NSMAF: variants seen among roughly 807,000 people sequenced by gnomAD.
NSMAF encodes the protein neutral sphingomyelinase activation associated factor.
In NSMAF, 90 loss-of-function variants were observed where a neutral mutation model predicts 134.9. The observed-to-expected ratio is 0.67, with a 90% CI of 0.56 to 0.79. The LOEUF is 0.79. Among genes scored for constraint, NSMAF ranks in the 30% least tolerant of loss-of-function variants. The probability of loss-of-function intolerance (pLI) is 0.00; values close to 1 mark genes in which losing one functional copy is unlikely to be tolerated. For synonymous variants in NSMAF, 358 were observed against 389.6 expected (o/e 0.92, Z 0.96); for missense variants, 1,010 against 1,119.0 (o/e 0.90, Z 1.39).
intron 1 of NSMAF, among the ~76,000 whole-genome samples, chr8:58,657,005 G>T (rs906269308): frequency 2.0e-5 from 3 of 151,832 alleles, no homozygotes; most frequent in Non-Finnish European, 4.4e-5. Flanking sequence ...GAACTTAACT[G>T]GGTGTGCTGT....
intron 5 of NSMAF, among the ~76,000 whole-genome samples, chr8:58,633,890 T>G (rs1012674867): frequency 6.6e-6 from 1 of 152,182 alleles, no homozygotes; most frequent in African/African-American, 2.4e-5. Flanking sequence ...ATACAAGACC[T>G]CTTCTATAAA....
intron 9 of NSMAF, 115 bp from the exon 10 acceptor site, chr8:58,609,848 T>A: frequency 2.2e-6 from 2 of 894,218 alleles, no homozygotes; most frequent in Non-Finnish European, 3.3e-6. Context: ...ACACTACATT[T>A]AATATAAGAA....
intron 13 of NSMAF, 50 bp from the exon 14 acceptor site, chr8:58,602,187 A>C: frequency 7.0e-7 from 1 of 1,418,620 alleles, no homozygotes; most frequent in Non-Finnish European, 9.9e-7. Flanking sequence ...AGTACCATTA[A>C]CCTCCTGAAT....
rs1454685767 is a variant in NSMAF at position 58,629,391 on chromosome 8, TTTCTCTTTGTTAATA to T, written c.384+2090_384+2104del. Among the ~76,000 whole-genome samples, 6 of 143,776 alleles carry T rather than the reference TTTCTCTTTGTTAATA, an allele frequency of 4.2e-5. No individual in the cohort carries two copies. The South Asian group carries it at 1.4e-3, about 32-fold the overall frequency. 94.3% of individuals were successfully genotyped at this position (143,776 alleles called of 152,430 possible). A position where few individuals can be genotyped will look rare whatever the true frequency, so the allele number is the denominator to read the frequency against. On this transcript the variant is annotated intron_variant, in intron 6 of 30. Coordinates refer to ENST00000038176, the MANE Select transcript of NSMAF (RefSeq NM_003580.4). ...ATTTCTGTTCAGTTCTTCTTTATAT[TTTCTCTTTGTTAATA>T]TTCTCTTTGTTAAAATTCTCATTTT...
rs1401563356 is a variant in NSMAF at position 58,595,621 on chromosome 8, T to G, written c.1831A>C (p.Thr611Pro). ...TTGGTGATGTTATTCCAGGCCAGTGTTTTGCTTTCTTCGGTCAGGTCTTCA... is the reference window on the plus strand; with the variant it reads ...TTGGTGATGTTATTCCAGGCCAGTGGTTTGCTTTCTTCGGTCAGGTCTTCA... ...SFEDLTEESK[T>P]LAWNNITKLQ... is the part of the protein sequence containing the mutation. Residue 611 changes from threonine to proline, a missense_variant, in exon 22 of 31, where the codon ACA becomes CCA. Transcript: ENST00000038176. 6.2e-7 allele frequency: 1 copy of G among 1,614,116 alleles called. No individual in the cohort carries two copies. Among genetic ancestry groups the G allele is most frequent in the Non-Finnish European group, 8.5e-7 (1 of 1,179,970 alleles).
At position 58,635,542 on chromosome 8, in the gene NSMAF, T is replaced by C; in HGVS notation, c.154A>G (p.Ile52Val). Reference sequence around the variant, plus strand: ...GAACATATTTTTAAGGAGCCTCTGATTTTCCTAGGGATCCAAGTACAACAG... The same window carrying C: ...GAACATATTTTTAAGGAGCCTCTGACTTTCCTAGGGATCCAAGTACAACAG... ...LHKGSHHERK[I>V]RGSLKICSKS... The change falls in exon 3 of 31, where the codon ATC becomes GTC. Residue 52 changes from isoleucine to valine, a missense_variant. Physicochemically the swap from Ile to Val is conservative, Grantham distance 29. Transcript: ENST00000038176. 1 of 1,593,094 alleles carries C rather than the reference T, an allele frequency of 6.3e-7. No individual in the cohort carries two copies. Among genetic ancestry groups the C allele is most frequent in the South Asian group, 1.1e-5 (1 of 87,642 alleles).
chr8:58,616,242 C>T (rs1052022532), intron 9 of NSMAF, among the ~76,000 whole-genome samples: 2 of 151,964 alleles, frequency 1.3e-5, no homozygotes, highest in Admixed American at 1.3e-4. Context: ...TTCTGAAAAC[C>T]GGAGATAAAG....
At chr8:58,615,084 G>C (rs1372752362) in intron 9 of NSMAF, among the ~76,000 whole-genome samples, 1 of 152,022 alleles carries the variant, frequency 6.6e-6, no homozygotes, top group Non-Finnish European at 1.5e-5. Context: ...TCAAGAAAAA[G>C]ACTATCACAA....
intron 1 of NSMAF, among the ~76,000 whole-genome samples, chr8:58,644,816 C>T (rs1024909573): frequency 7.2e-5 from 11 of 152,182 alleles, no homozygotes; most frequent in South Asian, 6.2e-4. Flanking sequence ...TCCTTTGCAG[C>T]GACATGGATG....
intron 6 of NSMAF, among the ~76,000 whole-genome samples, chr8:58,631,127 T>C (rs909604135): frequency 6.6e-6 from 1 of 152,212 alleles, no homozygotes; most frequent in Non-Finnish European, 1.5e-5. Context: ...AATAAGAGTA[T>C]GTTATAACCA....
chr8:58,635,131 A>G (rs1465588820), intron 5 of NSMAF, 58 bp downstream of exon 5: 1 of 1,246,962 alleles, frequency 8.0e-7, no homozygotes, highest in East Asian at 2.3e-5. Flanking sequence ...AATTTCATTC[A>G]TGCACATATA....
At chr8:58,597,630 C>A in intron 20 of NSMAF, 80 bp from the exon 21 acceptor site, 2 of 1,333,248 alleles carry the variant, frequency 1.5e-6, no homozygotes, top group South Asian at 1.3e-5. Flanking sequence ...TAGTACTGAT[C>A]AATAGGAGGG....
In NSMAF at chr8:58,590,896, G is replaced by C. The variant is rs1806006901; in HGVS notation, c.1990C>G (p.Leu664Val). ...LKMFSKESKM[L>V]QRSISFSNMA... The stretch of plus-strand genomic sequence containing the variant: ...TTTGAAAATGATATACTTCTTTGTA[G>C]CATTTTTGATTCTTTAGAAAACATC... The change falls in exon 24 of 31, where the codon CTA (leucine) becomes GTA (valine). Residue 664 changes from leucine (L) to valine (V), a missense_variant. Leu to Val is a conservative substitution (Grantham distance 32). Transcript: ENST00000038176. 6.4e-7 allele frequency: 1 copy of C among 1,564,478 alleles called. No homozygotes were observed. Among genetic ancestry groups the C allele is most frequent in the African/African-American group, 1.3e-5 (1 of 74,130 alleles).
At chr8:58,643,274 CTA>C (rs1440178775) in intron 1 of NSMAF, among the ~76,000 whole-genome samples, 1 of 152,178 alleles carries the variant, frequency 6.6e-6, no homozygotes, top group African/African-American at 2.4e-5. Flanking sequence ...GTCCAAATAA[CTA>C]CTATGTCAAA....
chr8:58,615,820 G>A (rs1473151244), intron 9 of NSMAF, among the ~76,000 whole-genome samples: 1 of 152,084 alleles, frequency 6.6e-6, no homozygotes, highest in Non-Finnish European at 1.5e-5. Context: ...CATAAAAGTA[G>A]ACATCAACTA....
At chr8:58,644,365 T>C (rs1365869743) in intron 1 of NSMAF, among the ~76,000 whole-genome samples, 5 of 152,312 alleles carry the variant, frequency 3.3e-5, no homozygotes, top group East Asian at 1.9e-4. Flanking sequence ...GAATAAGCAG[T>C]GCTCAGAAAT....
chr8:58,635,780 G>C (rs947526071), intron 2 of NSMAF, among the ~76,000 whole-genome samples: 9 of 152,138 alleles, frequency 5.9e-5, no homozygotes, highest in Admixed American at 1.3e-4. Flanking sequence ...AAACTTCTTT[G>C]GTTTATATGT....
chr8:58,594,387 A>AT (rs1806086457), intron 22 of NSMAF, 97 bp from the exon 23 acceptor site: 2 of 1,157,202 alleles, frequency 1.7e-6, no homozygotes, highest in Non-Finnish European at 2.6e-6. Context: ...AGTTTCCTTA[A>AT]TTTTTTTCTT....
intron 19 of NSMAF, 117 bp from the exon 20 acceptor site, chr8:58,598,019 C>G (rs1806178603): frequency 1.4e-6 from 1 of 734,278 alleles, no homozygotes; most frequent in South Asian, 1.8e-5. Context: ...TTGCTATTCA[C>G]TTTGCAAAAC....
Sources: gnomAD v4.1 joint callset for allele counts (sites outside exome capture counted in the v4.1 genomes callset) on GRCh38, gnomAD v4.1.1 for gene constraint, MANE v1.5 for transcripts, NCBI Gene and HGNC (gene_info 2026-07-23, HGNC 2026-07-21) for gene names.